KNTC1: variants seen among roughly 807,000 people sequenced by gnomAD.
KNTC1 encodes kinetochore-associated protein 1.
In KNTC1, 253 loss-of-function variants were observed where a neutral mutation model predicts 314.4. The ratio of observed to expected loss-of-function variants is 0.80; its 90% confidence interval spans 0.73 to 0.89. The LOEUF (loss-of-function observed/expected upper bound fraction) is 0.89, where lower values mean the gene tolerates loss of function less well. Among genes scored for constraint, KNTC1 ranks in the 40% least tolerant of loss-of-function variants. The pLI is 0.00. For synonymous variants in KNTC1, 901 were observed against 901.4 expected (o/e 1.00, Z 0.01); for missense variants, 2,475 against 2,572.9 (o/e 0.96, Z 0.82).
At chr12:122,600,493 G>A (rs1432014860) in intron 44 of KNTC1, among the ~76,000 whole-genome samples, 1 of 152,144 alleles carries the variant, frequency 6.6e-6, no homozygotes, top group East Asian at 1.9e-4. Context: ...AATCCTTTGA[G>A]AAACTTGCTT....
In KNTC1 at chr12:122,584,459, AT is replaced by A; in HGVS notation, c.3436+12del. 6.3e-7 allele frequency: 1 copy of A among 1,587,284 alleles called. No individual in the cohort carries two copies. Among genetic ancestry groups the A allele is most frequent in the South Asian group, 1.1e-5 (1 of 88,016 alleles). ...CACCATTTGCAGTCCAGGTGACAAT[AT>A]TTATAATATACGTAGTTTTATATTC... is the stretch of plus-strand genomic sequence containing the variant. On this transcript the variant is annotated intron_variant, in intron 35 of 63. Coordinates refer to ENST00000333479, the MANE Select transcript of KNTC1 (RefSeq NM_014708.6).
intron 60 of KNTC1, 136 bp downstream of exon 60, chr12:122,620,744 G>A: frequency 1.1e-6 from 1 of 895,902 alleles, no homozygotes; most frequent in Non-Finnish European, 1.6e-6. Context: ...AAGCTTGTAT[G>A]GGGGCTTAGT....
chr12:122,545,010 G>A (rs1962651091), intron 8 of KNTC1, among the ~76,000 whole-genome samples: 4 of 152,124 alleles, frequency 2.6e-5, no homozygotes, highest in South Asian at 2.1e-4. Context: ...AAGGATGCAC[G>A]TAGAAAAGCA....
intron 31 of KNTC1, among the ~76,000 whole-genome samples, chr12:122,578,186 T>C (rs560061242): frequency 1.3e-5 from 2 of 152,336 alleles, no homozygotes; most frequent in African/African-American, 4.8e-5. Flanking sequence ...GAAATGGTTT[T>C]AAGAGAGTTT....
rs549138837 is a variant in KNTC1 at position 122,607,683 on chromosome 12, G to C, written c.5497-1701G>C. Among the ~76,000 whole-genome samples the C allele has an allele frequency of 4.7e-4, 72 of 152,198 alleles. 1 individual carries two copies. Among genetic ancestry groups the C allele is most frequent in the Middle Eastern group, 3.4e-3 (1 of 294 alleles). On this transcript the variant is annotated intron_variant, in intron 51 of 63. Coordinates refer to ENST00000333479, the MANE Select transcript of KNTC1 (RefSeq NM_014708.6). ...ACTATTTTTCCTTTTGTAATTATTA[G>C]AGGAAATATTTTAGGATGATACAAT...
chr12:122,574,460 A>G (rs1217068803), intron 27 of KNTC1, 80 bp downstream of exon 27: 2 of 850,148 alleles, frequency 2.4e-6, no homozygotes, highest in Non-Finnish European at 3.7e-6. Flanking sequence ...CATAAAAGCG[A>G]CATATATTTG....
rs941283791 is a variant in KNTC1 at position 122,534,869 on chromosome 12, A to C, written c.250+85A>C. 8.0e-5 allele frequency: 103 copies of C among 1,285,846 alleles called. 1 individual carries two copies. The highest frequency in any genetic ancestry group is 6.6e-4 in the South Asian group (52 of 78,808). The allele number at this position is 1,285,846 out of a possible 1,614,324, so 79.7% of individuals were successfully genotyped here. ...ATTTCTGCTGGATTGCCTCCTCTTTACTCCATTATTTCTAAGATTTCAAAT... is the reference window on the plus strand; with the variant it reads ...ATTTCTGCTGGATTGCCTCCTCTTTCCTCCATTATTTCTAAGATTTCAAAT... On this transcript the variant is annotated intron_variant, in intron 3 of 63. Transcript: ENST00000333479.
intron 51 of KNTC1, among the ~76,000 whole-genome samples, chr12:122,605,754 C>T (rs751072221): frequency 1.3e-5 from 2 of 151,992 alleles, no homozygotes; most frequent in Non-Finnish European, 2.9e-5. Flanking sequence ...CCATGTTGGT[C>T]AGACTAGCCT....
At position 122,541,314 on chromosome 12, in the gene KNTC1, TTCCTTCCTTCCG is replaced by T. The variant is rs758205902; in HGVS notation, c.446-727_446-716del. Among the ~76,000 whole-genome samples, 1,414 of 146,692 alleles carry T rather than the reference TTCCTTCCTTCCG, an allele frequency of 9.6e-3. 35 individuals are homozygous for T. The highest frequency in any genetic ancestry group is 9.7e-3 in the Non-Finnish European group (652 of 67,556). On this transcript the variant is annotated intron_variant, in intron 5 of 63. Coordinates refer to ENST00000333479, the MANE Select transcript of KNTC1 (RefSeq NM_014708.6). ...CTTCCTTCCTTCCTTCCTTCCTTCC[TTCCTTCCTTCCG>T]TCCTTCCTCTGTCTCTCCCTCTCTT...
At chr12:122,588,649 G>T in intron 39 of KNTC1, 63 bp from the exon 40 acceptor site, 28 of 1,163,442 alleles carry the variant, frequency 2.4e-5, no homozygotes, top group East Asian at 3.1e-5. Context: ...CTTAATATTT[G>T]AAAAAATTTT....
chr12:122,613,521 TG>T, intron 54 of KNTC1, 104 bp from the exon 55 acceptor site: 1 of 1,054,762 alleles, frequency 9.5e-7, no homozygotes, highest in Non-Finnish European at 1.3e-6. Flanking sequence ...AAGTCCAAAA[TG>T]GACATTTAAA....
intron 31 of KNTC1, among the ~76,000 whole-genome samples, chr12:122,579,058 T>C (rs1965221104): frequency 5.4e-5 from 1 of 18,674 alleles, no homozygotes; most frequent in African/African-American, 3.7e-4. Flanking sequence ...TTTTTTTTTT[T>C]TTTTTTTTTT....
rs1481359181 is a variant in KNTC1, at chr12:122,618,404, C to A, written c.6085+7C>A. 1 of 1,613,410 alleles carries A rather than the reference C, an allele frequency of 6.2e-7. No homozygotes were observed. The highest frequency in any genetic ancestry group is 8.5e-7 in the Non-Finnish European group (1 of 1,179,448). ...CAGATACCACTGCTTTCAGGTATTT[C>A]GCTCTCTGAAACATTGGCTACAGCA... On this transcript the variant is annotated splice_region_variant and intron_variant, in intron 58 of 63. Transcript: ENST00000333479.
intron 7 of KNTC1, 77 bp from the exon 8 acceptor site, chr12:122,544,082 A>T: frequency 3.2e-6 from 2 of 617,192 alleles, no homozygotes; most frequent in Non-Finnish European, 5.5e-6. Flanking sequence ...TAACTGATTG[A>T]TATCAACTGA....
chr12:122,563,815 C>G, intron 20 of KNTC1: 2 of 1,465,286 alleles, frequency 1.4e-6, no homozygotes, highest in African/African-American at 2.9e-5. Flanking sequence ...TCAGCTTCAG[C>G]AGGAGGCAAA....
Position 122,592,345 on chromosome 12 carries a change from C to T in KNTC1, c.4245+892C>T, listed in dbSNP as rs547818687. Among the ~76,000 whole-genome samples, 17 of 152,332 alleles carry T rather than the reference C, an allele frequency of 1.1e-4. No homozygotes were observed. In the East Asian group the frequency reaches 2.3e-3, roughly 21 times the overall value. On this transcript the variant is annotated intron_variant, in intron 42 of 63. Coordinates refer to ENST00000333479, the MANE Select transcript of KNTC1 (RefSeq NM_014708.6). ...TCCTGTGCAGCCCGAGCCTCCCCGACAAATGCCGCCCCATGCTCCACGGCG... is the reference window on the plus strand; with the variant it reads ...TCCTGTGCAGCCCGAGCCTCCCCGATAAATGCCGCCCCATGCTCCACGGCG...
intron 7 of KNTC1, 34 bp from the exon 8 acceptor site, chr12:122,544,125 T>C (rs920391113): frequency 1.2e-6 from 1 of 856,202 alleles, no homozygotes; most frequent in Non-Finnish European, 1.9e-6. Flanking sequence ...AAATATGTAT[T>C]ATATATATGA....
chr12:122,597,943 A>G lies in KNTC1; in HGVS notation c.4563+5A>G. Reference sequence around the variant, plus strand: ...CTTAGTGGAATACTACATAAGGTAGACACACAGTGAAATGAATCGGGTCAT... The same window carrying G: ...CTTAGTGGAATACTACATAAGGTAGGCACACAGTGAAATGAATCGGGTCAT... On this transcript the variant is annotated splice_donor_5th_base_variant and intron_variant, in intron 44 of 63. Transcript: ENST00000333479. 1 of 1,611,310 alleles carries G rather than the reference A, an allele frequency of 6.2e-7. No individual in the cohort carries two copies. Among genetic ancestry groups the G allele is most frequent in the Non-Finnish European group, 8.5e-7 (1 of 1,177,440 alleles).
chr12:122,602,249 T>C (rs74879342), intron 45 of KNTC1: 14,271 of 182,356 alleles, frequency 0.078, 726 homozygotes, highest in Middle Eastern at 0.16. Flanking sequence ...GTAGCCTCTA[T>C]ATTTAAAATG....
Sources: gnomAD v4.1 joint callset for allele counts (sites outside exome capture counted in the v4.1 genomes callset) on GRCh38, gnomAD v4.1.1 for gene constraint, MANE v1.5 for transcripts, NCBI Gene and HGNC (gene_info 2026-07-23, HGNC 2026-07-21) for gene names.